Variants in IKBKB observed in about 807,000 individuals in gnomAD.
IKBKB encodes inhibitor of nuclear factor kappa B kinase subunit beta.
Under a neutral mutation model 113.6 loss-of-function variants are expected in IKBKB, and 42 were observed. The ratio of observed to expected loss-of-function variants is 0.37; its 90% CI spans 0.29 to 0.48. IKBKB has a LOEUF of 0.48. Ranked by LOEUF, IKBKB falls within the 20% of genes least tolerant of loss-of-function variation. IKBKB has a pLI of 0.99. For missense variants in IKBKB, 673 were observed against 939.7 expected (o/e 0.72, Z 3.71); for synonymous variants, 296 against 361.3 (o/e 0.82, Z 2.05).
At chr8:42,284,353 C>T (rs983439244) in intron 2 of IKBKB, among the ~76,000 whole-genome samples, 3 of 152,148 alleles carry the variant, frequency 2.0e-5, no homozygotes, top group African/African-American at 7.2e-5. Context: ...GAGGCCGAGA[C>T]GGGTGGATCA....
At chr8:42,321,132 C>T (rs1051006410) in intron 16 of IKBKB, 17 of 275,790 alleles carry the variant, frequency 6.2e-5, no homozygotes, top group Non-Finnish European at 1.1e-4. Context: ...GCCTCTACCC[C>T]TGTAGCAGAC....
rs997966147 is a variant in IKBKB, at chr8:42,318,466, C to G, written c.1241-86C>G. On this transcript the variant is annotated intron_variant, in intron 12 of 21. Coordinates refer to ENST00000520810, the MANE Select transcript of IKBKB (RefSeq NM_001556.3). Reference sequence around the variant, plus strand: ...ATAGTAGGTACAAAACGTGAAAGTGCCAGTAGTGTCGAAGGCAGGATATGG... The same window carrying G: ...ATAGTAGGTACAAAACGTGAAAGTGGCAGTAGTGTCGAAGGCAGGATATGG... 494 of 1,464,980 alleles carry G rather than the reference C, an allele frequency of 3.4e-4. 6 individuals carry two copies. Among genetic ancestry groups the G allele is most frequent in the Middle Eastern group, 1.9e-4 (1 of 5,346 alleles). 90.7% of individuals were successfully genotyped at this position (1,464,980 alleles called of 1,614,324 possible). A position where few individuals can be genotyped will look rare whatever the true frequency, so the allele number is the denominator to read the frequency against.
chr8:42,303,796 C>T (rs529044266), intron 5 of IKBKB, among the ~76,000 whole-genome samples: 15 of 152,282 alleles, frequency 9.9e-5, no homozygotes, highest in African/African-American at 2.6e-4. Context: ...CGTGAGCCAC[C>T]GCGCCCAGCC....
intron 15 of IKBKB, chr8:42,320,499 G>A (rs1429056561): frequency 2.1e-6 from 1 of 467,458 alleles, no homozygotes; most frequent in South Asian, 2.5e-5. Context: ...CCTATTTTAT[G>A]CAAAAGGAAA....
At chr8:42,325,850 C>G in intron 19 of IKBKB, 120 bp from the exon 20 acceptor site, 2 of 1,532,298 alleles carry the variant, frequency 1.3e-6, no homozygotes, top group South Asian at 1.3e-5. Flanking sequence ...AACTGGTAGG[C>G]TGTAGGGTTA....
At chr8:42,273,075 C>G (rs1808168659) in intron 2 of IKBKB, among the ~76,000 whole-genome samples, 1 of 151,966 alleles carries the variant, frequency 6.6e-6, no homozygotes, top group Non-Finnish European at 1.5e-5. Flanking sequence ...CCACTGCACT[C>G]TAGCCTAGGT....
chr8:42,323,199 G>A (rs1820097437), intron 19 of IKBKB, among the ~76,000 whole-genome samples: 1 of 152,216 alleles, frequency 6.6e-6, no homozygotes, highest in Non-Finnish European at 1.5e-5. Flanking sequence ...CTCTAAAGAC[G>A]CTTTCTCCAA....
chr8:42,332,460 A>G lies in IKBKB; in HGVS notation c.*1481A>G, dbSNP rs200788030. The G allele has an allele frequency of 6.6e-6, 1 of 152,166 alleles. No homozygotes were observed. Among genetic ancestry groups the G allele is most frequent in the Non-Finnish European group, 1.5e-5 (1 of 68,034 alleles). 9.4% of individuals were successfully genotyped at this position (152,166 alleles called of 1,614,324 possible). ...AGCACAATTTTGGAAACCCTGGTAA[A>G]TGACAGTGGGAAATAACACCCGAAA... On this transcript the variant is annotated 3_prime_UTR_variant, in exon 22 of 22. Transcript: ENST00000520810.
intron 5 of IKBKB, among the ~76,000 whole-genome samples, chr8:42,296,789 A>G (rs1432530902): frequency 1.3e-5 from 2 of 152,206 alleles, no homozygotes; most frequent in African/African-American, 2.4e-5. Flanking sequence ...TTTGCTTATT[A>G]GCAGTGTGAC....
At position 42,330,878 on chromosome 8, in the gene IKBKB, G is replaced by A. The variant is rs758071131; in HGVS notation, c.2206-36G>A. 2.5e-6 allele frequency: 4 copies of A among 1,614,020 alleles called. No homozygotes were observed. In the African/African-American group the frequency reaches 5.3e-5, roughly 22 times the overall value. On this transcript the variant is annotated intron_variant, in intron 21 of 21. Transcript: ENST00000520810. ...GAAAAATAACCTGAAATGTGTTGGT[G>A]GCTGTTGTTTTTTTAACATGTCTGT... is the stretch of plus-strand genomic sequence containing the variant.
At chr8:42,292,080 T>G (rs1812763172) in intron 4 of IKBKB, among the ~76,000 whole-genome samples, 1 of 152,224 alleles carries the variant, frequency 6.6e-6, no homozygotes, top group South Asian at 2.1e-4. Context: ...AACACAGCCC[T>G]TGGCATCACC....
At chr8:42,319,522 G>T (rs1320314483) in intron 14 of IKBKB, 63 bp from the exon 15 acceptor site, 2 of 1,581,756 alleles carry the variant, frequency 1.3e-6, no homozygotes, top group Admixed American at 1.8e-5. Context: ...GCTTATTTCT[G>T]TTTCAGTTTT....
chr8:42,314,273 C>A (rs773010535), intron 8 of IKBKB, 49 bp from the exon 9 acceptor site: 1 of 1,274,226 alleles, frequency 7.8e-7, no homozygotes, highest in South Asian at 1.2e-5. Context: ...TAGAATGTGT[C>A]CCCGTCATAG....
intron 5 of IKBKB, chr8:42,298,084 G>A (rs553296386): frequency 1.0e-6 from 1 of 985,374 alleles, no homozygotes; most frequent in Admixed American, 6.1e-5. Context: ...GAAGTTATAT[G>A]TGAGTGGACT....
At chr8:42,297,566 A>G (rs752812105) in intron 5 of IKBKB, among the ~76,000 whole-genome samples, 1 of 152,184 alleles carries the variant, frequency 6.6e-6, no homozygotes, top group Non-Finnish European at 1.5e-5. Flanking sequence ...CTGAATTTCA[A>G]ATTGCCCAAG....
intron 19 of IKBKB, chr8:42,325,637 C>T: frequency 9.6e-7 from 1 of 1,044,794 alleles, no homozygotes; most frequent in Middle Eastern, 4.6e-4. Flanking sequence ...CAAGATCGCA[C>T]ATCGCACTTC....
At chr8:42,306,291 G>A in intron 6 of IKBKB, 52 bp from the exon 7 acceptor site, 1 of 1,141,794 alleles carries the variant, frequency 8.8e-7, no homozygotes, top group Non-Finnish European at 1.3e-6. Flanking sequence ...AATCCTCGTA[G>A]AAGGACATTG....
intron 2 of IKBKB, among the ~76,000 whole-genome samples, chr8:42,281,189 G>A (rs1030509906): frequency 6.6e-6 from 1 of 152,172 alleles, no homozygotes; most frequent in African/African-American, 2.4e-5. Context: ...GGTGAATGGA[G>A]CTTTAGCAGG....
intron 13 of IKBKB, 84 bp from the exon 14 acceptor site, chr8:42,319,186 C>A: frequency 7.9e-7 from 1 of 1,262,448 alleles, no homozygotes; most frequent in Non-Finnish European, 1.1e-6. Flanking sequence ...CCTCCCTTGA[C>A]ATTTGAGGGG....
Sources: gnomAD v4.1 joint callset for allele counts (sites outside exome capture counted in the v4.1 genomes callset) on GRCh38, gnomAD v4.1.1 for gene constraint, MANE v1.5 for transcripts, NCBI Gene and HGNC (gene_info 2026-07-23, HGNC 2026-07-21) for gene names.